PSEN1: variants seen among roughly 807,000 people sequenced by gnomAD.
The protein encoded by PSEN1 is presenilin 1.
A neutral mutation model predicts 53.5 loss-of-function variants in PSEN1; 15 were observed. The ratio of observed to expected loss-of-function variants is 0.28; its 90% CI spans 0.19 to 0.43. PSEN1 has a LOEUF of 0.43. Among genes scored for constraint, PSEN1 ranks in the 20% least tolerant of loss-of-function variants. The pLI, the probability that PSEN1 is intolerant of heterozygous loss-of-function variation, is 1.00. For synonymous variants in PSEN1, 208 were observed against 209.8 expected (o/e 0.99, Z 0.08); for missense variants, 387 against 571.2 (o/e 0.68, Z 3.29).
At chr14:73,204,937 T>G (rs142823714) in intron 8 of PSEN1, among the ~76,000 whole-genome samples, 2 of 152,332 alleles carry the variant, frequency 1.3e-5, no homozygotes, top group East Asian at 3.9e-4. Flanking sequence ...TCAGTTTTTC[T>G]TCTTTAGATC....
At chr14:73,217,795 A>ATTTTTT (rs746495189) in intron 11 of PSEN1, among the ~76,000 whole-genome samples, 15 of 126,314 alleles carry the variant, frequency 1.2e-4, no homozygotes, top group African/African-American at 3.7e-4. Context: ...CAAAACTATG[A>ATTTTTT]TTTTTTTTTT....
At chr14:73,208,955 CT>C in intron 9 of PSEN1, 1 of 446,846 alleles carries the variant, frequency 2.2e-6, no homozygotes, top group South Asian at 1.6e-5. Flanking sequence ...CCCTCCCATG[CT>C]TGTCAGCACC....
chr14:73,141,677 C>G (rs1896930723), intron 1 of PSEN1, among the ~76,000 whole-genome samples: 1 of 152,028 alleles, frequency 6.6e-6, no homozygotes, highest in East Asian at 1.9e-4. Flanking sequence ...CCTAGCTACT[C>G]AGGAGGCTGA....
At chr14:73,181,827 G>A (rs970937751) in intron 5 of PSEN1, among the ~76,000 whole-genome samples, 5 of 152,130 alleles carry the variant, frequency 3.3e-5, no homozygotes, top group African/African-American at 1.2e-4. Flanking sequence ...AGGCTGGAAT[G>A]TAGTGGCACT....
Position 73,219,618 on chromosome 14 carries a change from G to A in PSEN1, c.*329G>A, listed in dbSNP as rs550665245. The A allele has an allele frequency of 5.1e-5, 19 of 369,546 alleles. No homozygotes were observed. In the East Asian group the frequency reaches 7.8e-4, roughly 15 times the overall value. The allele number at this position is 369,546 out of a possible 1,614,324, so 22.9% of individuals were successfully genotyped here. ...GCAGCTTGACGCGTGGTCACAGGACGATTTCACTGACACTGCGAACTCTCA... is the reference window on the plus strand; with the variant it reads ...GCAGCTTGACGCGTGGTCACAGGACAATTTCACTGACACTGCGAACTCTCA... On this transcript the variant is annotated 3_prime_UTR_variant, in exon 12 of 12. Coordinates refer to ENST00000324501, the MANE Select transcript of PSEN1 (RefSeq NM_000021.4).
chr14:73,162,447 GCT>G (rs35573180), intron 3 of PSEN1, among the ~76,000 whole-genome samples: 46 of 145,908 alleles, frequency 3.2e-4, no homozygotes, highest in East Asian at 2.3e-3. Context: ...TCGCTCGCGC[GCT>G]CTCTCTCTCT....
At chr14:73,216,147 G>C (rs1463582079) in intron 10 of PSEN1, among the ~76,000 whole-genome samples, 1 of 152,160 alleles carries the variant, frequency 6.6e-6, no homozygotes, top group African/African-American at 2.4e-5. Flanking sequence ...GCAGTATCAT[G>C]GTTAAACCTC....
At chr14:73,148,600 A>G (rs1028699572) in intron 3 of PSEN1, among the ~76,000 whole-genome samples, 1 of 152,182 alleles carries the variant, frequency 6.6e-6, no homozygotes, top group African/African-American at 2.4e-5. Context: ...ATACACAGAC[A>G]TGAAATTTGA....
intron 1 of PSEN1, among the ~76,000 whole-genome samples, chr14:73,138,385 A>AT (rs567817615): frequency 0.023 from 3,538 of 150,796 alleles, 140 homozygotes; most frequent in African/African-American, 0.081. Flanking sequence ...CGCCCGGCTA[A>AT]TTTTTTTGTA....
intron 1 of PSEN1, 96 bp from the exon 2 acceptor site, chr14:73,147,699 C>A: frequency 2.8e-6 from 1 of 354,226 alleles, no homozygotes; most frequent in Non-Finnish European, 5.4e-6. Context: ...TAATACATTC[C>A]TGGTTTACAA....
chr14:73,150,718 T>C (rs1056406019), intron 3 of PSEN1, among the ~76,000 whole-genome samples: 1 of 136,650 alleles, frequency 7.3e-6, no homozygotes, highest in African/African-American at 2.8e-5. Flanking sequence ...TGAGCCAAGA[T>C]TGCACCACTG....
intron 1 of PSEN1, among the ~76,000 whole-genome samples, chr14:73,143,707 G>A (rs1330600134): frequency 6.6e-6 from 1 of 152,198 alleles, no homozygotes; most frequent in South Asian, 2.1e-4. Flanking sequence ...GGGTAAAAAT[G>A]GAAACTACTT....
chr14:73,194,820 G>A lies in PSEN1; in HGVS notation c.769+1956G>A, dbSNP rs150079540. 3.2e-3 allele frequency among the ~76,000 whole-genome samples: 487 copies of A among 151,792 alleles called. 2 individuals are homozygous for A. Among genetic ancestry groups the A allele is most frequent in the African/African-American group, 8.8e-3 (363 of 41,348 alleles). ...CCTGACCTCATGATTCACCTGCCTCGGCCTCCCAAAGTGTTGGGATTACAG... is the reference window on the plus strand; with the variant it reads ...CCTGACCTCATGATTCACCTGCCTCAGCCTCCCAAAGTGTTGGGATTACAG... On this transcript the variant is annotated intron_variant, in intron 7 of 11. Coordinates refer to ENST00000324501, the MANE Select transcript of PSEN1 (RefSeq NM_000021.4).
At chr14:73,188,812 A>G (rs1434552546) in intron 6 of PSEN1, among the ~76,000 whole-genome samples, 2 of 152,068 alleles carry the variant, frequency 1.3e-5, no homozygotes, top group East Asian at 1.9e-4. Flanking sequence ...TTTCTGAGAT[A>G]GAGTCTCACT....
At chr14:73,187,016 C>T (rs1228341151) in intron 6 of PSEN1, 96 bp downstream of exon 6, 4 of 1,023,690 alleles carry the variant, frequency 3.9e-6, no homozygotes, top group Non-Finnish European at 6.2e-6. Context: ...ATGAATTACT[C>T]TGAAGTTTTA....
chr14:73,190,613 C>T (rs750710235), intron 6 of PSEN1, among the ~76,000 whole-genome samples: 36 of 151,594 alleles, frequency 2.4e-4, no homozygotes, highest in Admixed American at 5.9e-4. Context: ...CAATCAGGCA[C>T]GGTGGCTCAC....
Position 73,222,756 on chromosome 14 carries a change from C to T in PSEN1, c.*3467C>T, listed in dbSNP as rs936237149. ...TCAAATAACCACTTTTAACAGTTAC[C>T]ATTACTGAGGGCTTATACATTGGTG... On this transcript the variant is annotated 3_prime_UTR_variant, in exon 12 of 12. Coordinates refer to ENST00000324501, the MANE Select transcript of PSEN1 (RefSeq NM_000021.4). 5.9e-5 allele frequency: 9 copies of T among 152,284 alleles called. No individual in the cohort carries two copies. Among genetic ancestry groups the T allele is most frequent in the Non-Finnish European group, 8.8e-5 (6 of 68,028 alleles). The allele number at this position is 152,284 out of a possible 1,614,324, so 9.4% of individuals were successfully genotyped here.
chr14:73,161,088 C>T (rs964935787), intron 3 of PSEN1, among the ~76,000 whole-genome samples: 1 of 151,672 alleles, frequency 6.6e-6, no homozygotes, highest in Non-Finnish European at 1.5e-5. Flanking sequence ...AGTCCTTCCA[C>T]CTCAGCCTCC....
intron 3 of PSEN1, among the ~76,000 whole-genome samples, chr14:73,150,387 A>G (rs973667415): frequency 6.6e-6 from 1 of 152,184 alleles, no homozygotes; most frequent in Non-Finnish European, 1.5e-5. Flanking sequence ...GGTATTTACC[A>G]TGTTTAATAA....
Sources: allele counts gnomAD v4.1 joint callset (sites outside exome capture counted in the v4.1 genomes callset), GRCh38; gene constraint gnomAD v4.1.1; transcripts MANE v1.5; gene names NCBI Gene and HGNC (gene_info 2026-07-23, HGNC 2026-07-21).